Variants in BCL7A observed in about 807,000 individuals in gnomAD.
BCL7A encodes BAF chromatin remodeling complex subunit BCL7A, also known as B-cell CLL/lymphoma 7 protein family member A.
BCL7A carries 11 observed loss-of-function variants against 28.4 expected under a neutral mutation model. That is an observed-to-expected ratio of 0.39 (90% CI 0.24 to 0.64). BCL7A has a LOEUF of 0.64. Ranked by LOEUF, BCL7A falls within the 30% of genes least tolerant of loss-of-function variation. The probability of loss-of-function intolerance (pLI) is 0.50; values close to 1 mark genes in which losing one functional copy is unlikely to be tolerated. For synonymous variants in BCL7A, 123 were observed against 103.3 expected (o/e 1.19, Z -1.15); for missense variants, 222 against 274.8 (o/e 0.81, Z 1.36).
At position 122,061,855 on chromosome 12, in the gene BCL7A, C is replaced by A. The variant is rs73417631; in HGVS notation, c.*2692C>A. On this transcript the variant is annotated 3_prime_UTR_variant, in exon 6 of 6. Transcript: ENST00000261822. ...TCATGGTTTGGAATGTTCATTATCG[C>A]CAAGAACCTGGTTAGAGGCATAAAG... 2,287 of 225,430 alleles carry A rather than the reference C, an allele frequency of 0.01. 61 individuals are homozygous for A. The highest frequency in any genetic ancestry group is 0.047 in the African/African-American group (2,100 of 44,830). The allele number at this position is 225,430 out of a possible 1,614,324, so 14.0% of individuals were successfully genotyped here.
rs1170103208 is a variant in BCL7A at position 122,061,092 on chromosome 12, C to T, written c.*1929C>T. ...TCCACGCATCTCGAGGCGGCGTTAC[C>T]TCCAGATTCCGTAGAGTTAGAGTCA... is the stretch of plus-strand genomic sequence containing the variant. On this transcript the variant is annotated 3_prime_UTR_variant, in exon 6 of 6. Coordinates refer to ENST00000261822, the MANE Select transcript of BCL7A (RefSeq NM_001024808.3). 2 of 226,352 alleles carry T rather than the reference C, an allele frequency of 8.8e-6. No individual in the cohort carries two copies. The highest frequency in any genetic ancestry group is 4.5e-5 in the African/African-American group (2 of 44,916). 14.0% of individuals were successfully genotyped at this position (226,352 alleles called of 1,614,324 possible). A position where few individuals can be genotyped will look rare whatever the true frequency, so the allele number is the denominator to read the frequency against.
At chr12:122,024,466 T>G (rs889663358) in intron 1 of BCL7A, among the ~76,000 whole-genome samples, 26 of 151,530 alleles carry the variant, frequency 1.7e-4, no homozygotes, top group Non-Finnish European at 3.4e-4. Flanking sequence ...TTTTTTGTTT[T>G]TTTTTTTTTT....
At chr12:122,039,367 C>T (rs1883922070) in intron 3 of BCL7A, among the ~76,000 whole-genome samples, 1 of 148,118 alleles carries the variant, frequency 6.8e-6, no homozygotes. Flanking sequence ...GTGATGCGCA[C>T]CTATAGTCAC....
At position 122,038,115 on chromosome 12, in the gene BCL7A, C is replaced by T. The variant is rs116875407; in HGVS notation, c.271+2688C>T. Reference sequence around the variant, plus strand: ...CAGCCCAGGCAACAGGGTGAGACTCCGTCTCAAAAAAAGAAAAAAGAAACG... The same window carrying T: ...CAGCCCAGGCAACAGGGTGAGACTCTGTCTCAAAAAAAGAAAAAAGAAACG... On this transcript the variant is annotated intron_variant, in intron 3 of 5. Transcript: ENST00000261822. 2.8e-3 allele frequency among the ~76,000 whole-genome samples: 410 copies of T among 146,456 alleles called. 12 individuals carry two copies. The East Asian group carries it at 0.077, about 27-fold the overall frequency.
Position 122,021,926 on chromosome 12 carries a change from GT to G in BCL7A, c.-165del. On this transcript the variant is annotated 5_prime_UTR_variant, in exon 1 of 6. Coordinates refer to ENST00000261822, the MANE Select transcript of BCL7A (RefSeq NM_001024808.3). ...CGGCGGCCCCGGGCTTTGTGTGTGTGTGTATGTGTGTGTGTGTGTGTGTGTG... is the reference window on the plus strand; with the variant it reads ...CGGCGGCCCCGGGCTTTGTGTGTGTGGTATGTGTGTGTGTGTGTGTGTGTG... 1 of 422,208 alleles carries G rather than the reference GT, an allele frequency of 2.4e-6. No individual in the cohort carries two copies. Among genetic ancestry groups the G allele is most frequent in the Non-Finnish European group, 4.3e-6 (1 of 234,408 alleles). The allele number at this position is 422,208 out of a possible 1,614,324, so 26.2% of individuals were successfully genotyped here. A position where few individuals can be genotyped will look rare whatever the true frequency, so the allele number is the denominator to read the frequency against.
chr12:122,033,718 A>G (rs1461434725), intron 2 of BCL7A, among the ~76,000 whole-genome samples: 1 of 152,170 alleles, frequency 6.6e-6, no homozygotes, highest in Non-Finnish European at 1.5e-5. Context: ...GAGCCTCCCA[A>G]AGTGCTGGGA....
chr12:122,021,930 A>ATGGG lies in BCL7A; in HGVS notation c.-160_-159insGGTG. The ATGGG allele has an allele frequency of 1.0e-5, 4 of 387,608 alleles. No individual in the cohort carries two copies. The highest frequency in any genetic ancestry group is 1.4e-5 in the Non-Finnish European group (3 of 211,478). The allele number at this position is 387,608 out of a possible 1,614,324, so 24.0% of individuals were successfully genotyped here. A position where few individuals can be genotyped will look rare whatever the true frequency, so the allele number is the denominator to read the frequency against. ...GGCCCCGGGCTTTGTGTGTGTGTGT[A>ATGGG]TGTGTGTGTGTGTGTGTGTGTGTGT... On this transcript the variant is annotated 5_prime_UTR_variant, in exon 1 of 6. The change abolishes the stop of an existing upstream ORF in the 5' untranslated region. Transcript: ENST00000261822.
At position 122,021,932 on chromosome 12, in the gene BCL7A, G is replaced by A. The variant is rs1378517886; in HGVS notation, c.-160G>A. 2.3e-6 allele frequency: 1 copy of A among 433,678 alleles called. No homozygotes were observed. Among genetic ancestry groups the A allele is most frequent in the Non-Finnish European group, 4.2e-6 (1 of 237,024 alleles). 26.9% of individuals were successfully genotyped at this position (433,678 alleles called of 1,614,324 possible). A position where few individuals can be genotyped will look rare whatever the true frequency, so the allele number is the denominator to read the frequency against. ...CCCCGGGCTTTGTGTGTGTGTGTAT[G>A]TGTGTGTGTGTGTGTGTGTGTGTGT... On this transcript the variant is annotated 5_prime_UTR_variant, in exon 1 of 6. It adds an upstream start codon to the 5' untranslated region. Transcript: ENST00000261822.
At chr12:122,043,798 T>C (rs1884009300) in intron 3 of BCL7A, 88 bp from the exon 4 acceptor site, 3 of 1,383,878 alleles carry the variant, frequency 2.2e-6, no homozygotes, top group Non-Finnish European at 2.9e-6. Context: ...TTCCGGGCAT[T>C]GAGGCACAGG....
intron 4 of BCL7A, among the ~76,000 whole-genome samples, chr12:122,047,250 G>A (rs974388592): frequency 1.3e-5 from 2 of 151,634 alleles, no homozygotes; most frequent in African/African-American, 2.4e-5. Flanking sequence ...TTGGCCGGGC[G>A]CAGTGGCTCA....
chr12:122,025,830 C>T (rs2135838213), intron 1 of BCL7A, among the ~76,000 whole-genome samples: 1 of 150,442 alleles, frequency 6.6e-6, no homozygotes, highest in African/African-American at 2.4e-5. Context: ...GCCTGTAATC[C>T]CAGCTACTCT....
chr12:122,053,197 T>A (rs528914081), intron 4 of BCL7A, among the ~76,000 whole-genome samples: 2 of 152,348 alleles, frequency 1.3e-5, no homozygotes, highest in Non-Finnish European at 2.9e-5. Flanking sequence ...GGTTTCACCA[T>A]GTTGGCCAGG....
chr12:122,024,323 T>C (rs548362384), intron 1 of BCL7A, among the ~76,000 whole-genome samples: 1 of 152,362 alleles, frequency 6.6e-6, no homozygotes, highest in African/African-American at 2.4e-5. Flanking sequence ...GTGCTTGGCT[T>C]CCAGGTCCCC....
At chr12:122,048,211 C>A (rs1370046045) in intron 4 of BCL7A, among the ~76,000 whole-genome samples, 2 of 125,094 alleles carry the variant, frequency 1.6e-5, no homozygotes, top group African/African-American at 5.7e-5. Flanking sequence ...GCTGAGAAAG[C>A]TATTTTTTTT....
At chr12:122,035,228 C>T in intron 2 of BCL7A, 103 bp from the exon 3 acceptor site, 1 of 1,081,110 alleles carries the variant, frequency 9.2e-7, no homozygotes, top group African/African-American at 1.6e-5. Flanking sequence ...CTCCAGGAGG[C>T]TTCAATGGAA....
chr12:122,049,893 T>C (rs1418445474), intron 4 of BCL7A, among the ~76,000 whole-genome samples: 1 of 151,692 alleles, frequency 6.6e-6, no homozygotes, highest in Non-Finnish European at 1.5e-5. Context: ...GCCTGGCTTT[T>C]CCCCCCGAGA....
chr12:122,024,817 A>G (rs954173768), intron 1 of BCL7A, among the ~76,000 whole-genome samples: 4 of 152,164 alleles, frequency 2.6e-5, no homozygotes, highest in African/African-American at 4.8e-5. Flanking sequence ...CTGAAATGCA[A>G]ATTTAACAGG....
chr12:122,028,869 C>T (rs1321015630), intron 1 of BCL7A, among the ~76,000 whole-genome samples: 1 of 152,176 alleles, frequency 6.6e-6, no homozygotes, highest in African/African-American at 2.4e-5. Context: ...AACTGAGGTT[C>T]TTCCCAGGAG....
At chr12:122,027,850 A>C (rs1346972550) in intron 1 of BCL7A, among the ~76,000 whole-genome samples, 1 of 152,198 alleles carries the variant, frequency 6.6e-6, no homozygotes, top group Non-Finnish European at 1.5e-5. Context: ...AAAATAAAAA[A>C]AATAAAAAAA....
Sources: allele counts gnomAD v4.1 joint callset (sites outside exome capture counted in the v4.1 genomes callset), GRCh38; gene constraint gnomAD v4.1.1; transcripts MANE v1.5; gene names NCBI Gene and HGNC (gene_info 2026-07-23, HGNC 2026-07-21).